Variants in AKAP13 observed in about 807,000 individuals in gnomAD.
AKAP13 encodes the protein A-kinase anchoring protein 13, also known as A-kinase anchor protein 13.
In AKAP13, 80 loss-of-function variants were observed where a neutral mutation model predicts 264.5. That is an observed-to-expected ratio of 0.30 (90% CI 0.25 to 0.36). The LOEUF (loss-of-function observed/expected upper bound fraction) is 0.36, where lower values mean the gene tolerates loss of function less well. Ranked by LOEUF, AKAP13 falls within the 10% of genes least tolerant of loss-of-function variation. AKAP13 has a pLI of 1.00. For synonymous variants in AKAP13, 1,380 were observed against 1,250.2 expected (o/e 1.10, Z -2.19); for missense variants, 3,712 against 3,435.2 (o/e 1.08, Z -2.01).
intron 1 of AKAP13, among the ~76,000 whole-genome samples, chr15:85,434,866 G>A (rs1380729352): frequency 6.7e-6 from 1 of 148,324 alleles, no homozygotes; most frequent in Non-Finnish European, 1.5e-5. Flanking sequence ...CCACAAAGAT[G>A]GGGAAAAAAC....
At chr15:85,693,069 A>G (rs1025586506) in intron 16 of AKAP13, 4 of 794,702 alleles carry the variant, frequency 5.0e-6, no homozygotes, top group Admixed American at 7.6e-5. Flanking sequence ...CCGCCTGCCC[A>G]GTTTTCGTGT....
At position 85,501,293 on chromosome 15, in the gene AKAP13, G is replaced by A. The variant is rs185944011; in HGVS notation, c.33+15540G>A. 7.9e-5 allele frequency among the ~76,000 whole-genome samples: 12 copies of A among 152,280 alleles called. No homozygotes were observed. The East Asian group carries it at 1.9e-3, about 24-fold the overall frequency. ...TTCCTCCACAAATCCTCATTTTCCA[G>A]ATCCCTGTGAAATTTATTATATTCT... On this transcript the variant is annotated intron_variant, in intron 2 of 36. Transcript: ENST00000394518.
At chr15:85,673,225 T>C (rs1304300511) in intron 14 of AKAP13, among the ~76,000 whole-genome samples, 1 of 152,200 alleles carries the variant, frequency 6.6e-6, no homozygotes, top group African/African-American at 2.4e-5. Context: ...AATCTACTGA[T>C]GTAAAGGAAA....
Position 85,581,389 on chromosome 15 carries a change from T to A in AKAP13, c.3321T>A (p.Asn1107Lys). 6.2e-7 allele frequency: 1 copy of A among 1,614,116 alleles called. No homozygotes were observed. The highest frequency in any genetic ancestry group is 8.5e-7 in the Non-Finnish European group (1 of 1,180,008). The change falls in exon 7 of 37, where the codon AAT becomes AAA. Residue 1107 changes from asparagine to lysine, a missense_variant. Physicochemically the swap from Asn to Lys is moderately conservative, Grantham distance 94 (BLOSUM62 0). Around this residue, in one of 3 missense-constraint regions of AKAP13, gnomAD observed 2,759 missense variants for 2,411.7 expected, o/e 1.14. Coordinates refer to ENST00000394518, the MANE Select transcript of AKAP13 (RefSeq NM_007200.5). The stretch of plus-strand genomic sequence containing the variant: ...GTATGGCTGAGCCCAGAAGAGAGAA[T>A]ATATCACACAACACCCAAGACATCC... ...LQGMAEPRRE[N>K]ISHNTQDILI...
Position 85,718,053 on chromosome 15 carries a change from G to C in AKAP13, c.5895G>C (p.Glu1965Asp), listed in dbSNP as rs1349953552. Residue 1965 changes from glutamate (E) to aspartate (D), a missense_variant, in exon 22 of 37, where the codon GAG (glutamate) becomes GAC (aspartate). Physicochemically the swap from Glu to Asp is conservative, Grantham distance 45. Transcript: ENST00000394518. This position sits in a 1 kb window ranked among gnomAD's most constrained non-coding sequence, Gnocchi z 4.9. ...MNEGQLLGDF[E>D]IESKQLEAES... The stretch of plus-strand genomic sequence containing the variant: ...AAGGACAACTACTGGGAGACTTTGA[G>C]ATTGAGTCCAAACAGCTGGAAGCAG... The C allele has an allele frequency of 6.2e-7, 1 of 1,614,036 alleles. No homozygotes were observed. Among genetic ancestry groups the C allele is most frequent in the Non-Finnish European group, 8.5e-7 (1 of 1,180,010 alleles).
In AKAP13 at chr15:85,543,861, C is replaced by T. The variant is rs114777682; in HGVS notation, c.568C>T (p.Arg190Cys). The T allele has an allele frequency of 4.8e-4, 772 of 1,614,080 alleles. 2 individuals carry two copies. The East Asian group carries it at 0.011, about 23-fold the overall frequency. The change falls in exon 5 of 37, where the codon CGC becomes TGC. Residue 190 changes from arginine (R) to cysteine (C), a missense_variant. Physicochemically the swap from Arg to Cys is radical, Grantham distance 180. Transcript: ENST00000394518. ...TWFLLQKPGG[R>C]GALSIHNQEG... ...GTTCCTGTTGCAGAAGCCAGGTGGC[C>T]GCGGAGCTCTCAGTATCCACAACCA...
chr15:85,555,411 C>G, intron 5 of AKAP13: 2 of 1,288,302 alleles, frequency 1.6e-6, no homozygotes, highest in Middle Eastern at 2.1e-4. Flanking sequence ...GGCTGCTTTC[C>G]TCTATTTTTA....
At chr15:85,644,273 C>G (rs893053708) in intron 9 of AKAP13, among the ~76,000 whole-genome samples, 1 of 148,804 alleles carries the variant, frequency 6.7e-6, no homozygotes, top group Non-Finnish European at 1.5e-5. Flanking sequence ...TCTCTGTCAC[C>G]TAGGCTGGAG....
In AKAP13 at chr15:85,581,588, G is replaced by T; in HGVS notation, c.3520G>T (p.Ala1174Ser). ...GADHSCTMGD[A>S]EEAQIDDEAH... ...AGACCACAGCTGTACCATGGGTGAC[G>T]CTGAGGAAGCCCAAATAGACGATGA... The change falls in exon 7 of 37, where the codon GCT becomes TCT. Residue 1174 changes from alanine (A) to serine (S), a missense_variant. Ala to Ser is a moderately conservative substitution (Grantham distance 99). Coordinates refer to ENST00000394518, the MANE Select transcript of AKAP13 (RefSeq NM_007200.5). The T allele has an allele frequency of 6.2e-7, 1 of 1,614,146 alleles. No homozygotes were observed. Among genetic ancestry groups the T allele is most frequent in the Non-Finnish European group, 8.5e-7 (1 of 1,180,016 alleles).
chr15:85,465,354 T>A (rs1036139864), intron 1 of AKAP13, among the ~76,000 whole-genome samples: 88 of 152,112 alleles, frequency 5.8e-4, no homozygotes, highest in Non-Finnish European at 1.1e-3. Context: ...TTAAAAAAAA[T>A]TTTATTATTA....
At chr15:85,560,162 AAAAAT>A (rs1475831767) in intron 5 of AKAP13, among the ~76,000 whole-genome samples, 1 of 150,172 alleles carries the variant, frequency 6.7e-6, no homozygotes, top group South Asian at 2.1e-4. Context: ...AAAAAACAGT[AAAAAT>A]AAAATAATCA....
At chr15:85,592,021 A>T in intron 8 of AKAP13, among the ~76,000 whole-genome samples, 1 of 151,484 alleles carries the variant, frequency 6.6e-6, no homozygotes, top group East Asian at 1.9e-4. Context: ...TCAATCAAGA[A>T]AGCATTTAAA....
chr15:85,641,496 ATAAATAAATAAC>A (rs2082309256), intron 9 of AKAP13, among the ~76,000 whole-genome samples: 1 of 74,594 alleles, frequency 1.3e-5, no homozygotes. Flanking sequence ...AAATAAATAA[ATAAATAAATAAC>A]GGAGTCTCGC....
chr15:85,744,163 T>G, intron 36 of AKAP13: 1 of 323,148 alleles, frequency 3.1e-6, no homozygotes, highest in Non-Finnish European at 5.7e-6. Context: ...TAGCATTTGG[T>G]GATTTAACCC....
At chr15:85,736,160 A>C in intron 33 of AKAP13, 26 bp downstream of exon 33, 1 of 1,550,458 alleles carries the variant, frequency 6.4e-7, no homozygotes, top group South Asian at 1.2e-5. Flanking sequence ...ACTATTTAAG[A>C]AAATATGTGT....
At chr15:85,552,628 C>CTTTTT (rs55743971) in intron 5 of AKAP13, among the ~76,000 whole-genome samples, 8 of 125,068 alleles carry the variant, frequency 6.4e-5, no homozygotes, top group African/African-American at 2.1e-4. Context: ...TTTTTTTGGC[C>CTTTTT]TTTTTTTTTT....
intron 1 of AKAP13, among the ~76,000 whole-genome samples, chr15:85,425,549 C>T (rs766177574): frequency 1.3e-5 from 2 of 151,970 alleles, no homozygotes; most frequent in African/African-American, 2.4e-5. Context: ...AACCTCTTCT[C>T]TACCAAAAAT....
chr15:85,399,948 T>C (rs1057381592), intron 1 of AKAP13, among the ~76,000 whole-genome samples: 3 of 152,182 alleles, frequency 2.0e-5, no homozygotes, highest in African/African-American at 7.2e-5. Flanking sequence ...ATATAACTTA[T>C]TTATTTATTT....
rs1448656405 is a variant in AKAP13, at chr15:85,741,400, C to T, written c.7963C>T (p.Arg2655Cys). 4 of 1,613,790 alleles carry T rather than the reference C, an allele frequency of 2.5e-6. No homozygotes were observed. Among genetic ancestry groups the T allele is most frequent in the South Asian group, 1.1e-5 (1 of 91,076 alleles). Reference sequence around the variant, plus strand: ...ATACCAGTATGACCTGGAGCGACTGCGTGCTGCCCAGAAACAGCTTGAGAG... The same window carrying T: ...ATACCAGTATGACCTGGAGCGACTGTGTGCTGCCCAGAAACAGCTTGAGAG... ...GTYQYDLERLRAAQKQLEREQ... is the reference protein window; with the variant it reads ...GTYQYDLERLCAAQKQLEREQ... Residue 2655 changes from arginine to cysteine, a missense_variant, in exon 35 of 37, where the codon CGT becomes TGT. Coordinates refer to ENST00000394518, the MANE Select transcript of AKAP13 (RefSeq NM_007200.5).
Sources: gnomAD v4.1 joint callset for allele counts (sites outside exome capture counted in the v4.1 genomes callset) on GRCh38, gnomAD v4.1.1 for gene constraint, gnomAD v4.1.1 regional missense constraint, Gnocchi (gnomAD v3.1) non-coding constraint, MANE v1.5 for transcripts, NCBI Gene and HGNC (gene_info 2026-07-23, HGNC 2026-07-21) for gene names.